Variants in ADAMTSL1 observed in about 807,000 individuals in gnomAD.
The protein encoded by ADAMTSL1 is ADAMTS-like protein 1.
In ADAMTSL1, 126 loss-of-function variants were observed where a neutral mutation model predicts 201.8. That is an observed-to-expected ratio of 0.62 (90% confidence interval 0.54 to 0.72). The LOEUF (loss-of-function observed/expected upper bound fraction) is 0.72, where lower values mean the gene tolerates loss of function less well. Ranked by LOEUF, ADAMTSL1 falls within the 30% of genes least tolerant of loss-of-function variation. ADAMTSL1 has a pLI of 0.00. For missense variants in ADAMTSL1, 2,679 were observed against 2,277.8 expected, an observed-to-expected ratio of 1.18 and a Z score of -3.59; for synonymous variants, 1,121 against 903.4, an observed-to-expected ratio of 1.24 and a Z score of -4.32.
At chr9:18,319,432 C>G (rs1420985316) in intron 2 of ADAMTSL1, among the ~76,000 whole-genome samples, 4 of 152,134 alleles carry the variant, frequency 2.6e-5, no homozygotes, top group Non-Finnish European at 2.9e-5. Context: ...AATAACTTCA[C>G]TGCTATGAAC....
chr9:18,770,522 AAATT>A, intron 16 of ADAMTSL1, 76 bp from the exon 17 acceptor site: 4 of 1,390,770 alleles, frequency 2.9e-6, no homozygotes, highest in Non-Finnish European at 3.8e-6. Context: ...TTACTCTGCC[AAATT>A]AAGATAAGAA....
At chr9:18,144,325 C>A (rs972507353) in intron 1 of ADAMTSL1, among the ~76,000 whole-genome samples, 1 of 152,054 alleles carries the variant, frequency 6.6e-6, no homozygotes, top group Non-Finnish European at 1.5e-5. Context: ...TCTGCCTCAG[C>A]TTCCTGGGTA....
rs1401777667 is a variant in ADAMTSL1, at chr9:18,776,953, C to G, written c.2724C>G (p.Leu908=). The G allele has an allele frequency of 3.1e-6, 5 of 1,599,170 alleles. No homozygotes were observed. Among genetic ancestry groups the G allele is most frequent in the Non-Finnish European group, 4.3e-6 (5 of 1,172,006 alleles). ...RCPARRVRKP[L]ITWEKDGQHL... is the part of the protein sequence containing the mutation. ...CGGCGCGCAGGGTCCGCAAGCCCCT[C>G]ATCACCTGGGAGAAGGACGGCCAGC... Residue 908 remains leucine, a synonymous_variant, in exon 19 of 29, where the codon CTC becomes CTG. Transcript: ENST00000380548.
chr9:18,122,759 A>G (rs1196280794), intron 1 of ADAMTSL1, among the ~76,000 whole-genome samples: 1 of 152,108 alleles, frequency 6.6e-6, no homozygotes, highest in Non-Finnish European at 1.5e-5. Context: ...AAGCTGTACA[A>G]CTGGGCAGGG....
chr9:17,951,124 T>C (rs960997848), intron 1 of ADAMTSL1, among the ~76,000 whole-genome samples: 3 of 152,114 alleles, frequency 2.0e-5, no homozygotes, highest in African/African-American at 7.2e-5. Flanking sequence ...TCCCATTGGA[T>C]AGATGAACTC....
chr9:18,157,293 T>A (rs1827197829), intron 1 of ADAMTSL1, among the ~76,000 whole-genome samples: 1 of 152,098 alleles, frequency 6.6e-6, no homozygotes, highest in South Asian at 2.1e-4. Context: ...GATTTACGTT[T>A]GATAGTTTTA....
intron 2 of ADAMTSL1, among the ~76,000 whole-genome samples, chr9:18,186,831 C>T (rs1422632468): frequency 2.9e-5 from 3 of 103,962 alleles, no homozygotes; most frequent in African/African-American, 9.9e-5. Flanking sequence ...TATCACTGTA[C>T]AACACACACA....
At chr9:18,375,171 C>T (rs1224534503) in intron 2 of ADAMTSL1, among the ~76,000 whole-genome samples, 1 of 152,204 alleles carries the variant, frequency 6.6e-6, no homozygotes, top group East Asian at 1.9e-4. Flanking sequence ...AGCTCTTCCT[C>T]AGTTCCGCAT....
chr9:18,720,519 C>T (rs530945624), intron 14 of ADAMTSL1, among the ~76,000 whole-genome samples: 11 of 152,304 alleles, frequency 7.2e-5, no homozygotes, highest in Middle Eastern at 6.8e-3. Flanking sequence ...TGCAATGGCT[C>T]ACGCCTGTAA....
At chr9:18,264,280 G>A (rs1330666925) in intron 2 of ADAMTSL1, among the ~76,000 whole-genome samples, 1 of 151,804 alleles carries the variant, frequency 6.6e-6, no homozygotes, top group Non-Finnish European at 1.5e-5. Context: ...CTATATTTTA[G>A]GACCTCACCA....
intron 23 of ADAMTSL1, among the ~76,000 whole-genome samples, chr9:18,887,211 T>C (rs1474370085): frequency 6.6e-6 from 1 of 152,210 alleles, no homozygotes; most frequent in Admixed American, 6.5e-5. Context: ...GACATTTGAG[T>C]TTATTATATC....
At chr9:17,920,844 T>C (rs1217582541) in intron 1 of ADAMTSL1, among the ~76,000 whole-genome samples, 2 of 152,228 alleles carry the variant, frequency 1.3e-5, no homozygotes, top group Non-Finnish European at 2.9e-5. Flanking sequence ...AACAAATGAT[T>C]GTGACTGTGT....
chr9:18,011,244 G>A (rs537511146), intron 1 of ADAMTSL1, among the ~76,000 whole-genome samples: 11 of 152,122 alleles, frequency 7.2e-5, no homozygotes, highest in African/African-American at 2.2e-4. Flanking sequence ...AAGAGTTAAT[G>A]TTTATGAAAA....
intron 1 of ADAMTSL1, among the ~76,000 whole-genome samples, chr9:18,135,459 C>A (rs543908348): frequency 6.6e-6 from 1 of 152,052 alleles, no homozygotes; most frequent in Non-Finnish European, 1.5e-5. Context: ...ATTTTACTAG[C>A]CACAAGGTGG....
intron 2 of ADAMTSL1, among the ~76,000 whole-genome samples, chr9:18,333,479 T>G (rs1312748802): frequency 3.3e-5 from 5 of 152,222 alleles, no homozygotes; most frequent in Non-Finnish European, 7.3e-5. Context: ...CCTCTTTTAT[T>G]TATAAATTAT....
At chr9:18,171,671 C>G (rs879556363) in intron 2 of ADAMTSL1, among the ~76,000 whole-genome samples, 2 of 152,150 alleles carry the variant, frequency 1.3e-5, no homozygotes, top group African/African-American at 2.4e-5. Context: ...TGTGCAGAAG[C>G]TCTTCAGTTT....
intron 1 of ADAMTSL1, among the ~76,000 whole-genome samples, chr9:18,051,037 C>G (rs1365970113): frequency 1.3e-5 from 2 of 152,194 alleles, no homozygotes; most frequent in Non-Finnish European, 2.9e-5. Context: ...TGCAGTGGCT[C>G]ACGCCTGTAA....
chr9:18,570,898 T>A (rs1331116576), intron 3 of ADAMTSL1, among the ~76,000 whole-genome samples: 1 of 152,226 alleles, frequency 6.6e-6, no homozygotes, highest in Non-Finnish European at 1.5e-5. Context: ...ACCATAAAAC[T>A]TGTAACAGGT....
chr9:18,341,213 T>C (rs1050774854), intron 2 of ADAMTSL1, among the ~76,000 whole-genome samples: 2 of 152,148 alleles, frequency 1.3e-5, no homozygotes, highest in Non-Finnish European at 2.9e-5. Flanking sequence ...AGCTGGTCTC[T>C]GCTCATCTTC....
Sources: gnomAD v4.1 joint callset for allele counts (sites outside exome capture counted in the v4.1 genomes callset) on GRCh38, gnomAD v4.1.1 for gene constraint, MANE v1.5 for transcripts, NCBI Gene and HGNC (gene_info 2026-07-23, HGNC 2026-07-21) for gene names.